Variants in PTPRM observed in about 807,000 individuals in gnomAD.
The protein encoded by PTPRM is protein tyrosine phosphatase receptor type M, also known as receptor-type tyrosine-protein phosphatase mu.
Under a neutral mutation model 186.7 loss-of-function variants are expected in PTPRM, and 47 were observed. The observed-to-expected ratio is 0.25, with a 90% CI of 0.20 to 0.32. The LOEUF (loss-of-function observed/expected upper bound fraction) is 0.32. PTPRM is among the 10% of genes least tolerant of loss of function. The pLI is 1.00. For missense variants in PTPRM, 1,494 were observed against 1,865.0 expected (o/e 0.80, Z 3.66); for synonymous variants, 668 against 674.9 (o/e 0.99, Z 0.16).
chr18:8,296,527 T>G, intron 20 of PTPRM, 72 bp downstream of exon 20: 1 of 1,136,062 alleles, frequency 8.8e-7, no homozygotes, highest in Non-Finnish European at 1.3e-6. Flanking sequence ...ACCACCAGGC[T>G]CATACAGAGG....
intron 19 of PTPRM, among the ~76,000 whole-genome samples, chr18:8,286,183 C>G (rs979862603): frequency 6.6e-6 from 1 of 152,164 alleles, no homozygotes; most frequent in African/African-American, 2.4e-5. Context: ...TTGTCACTTG[C>G]CTCTAGGGAT....
At chr18:8,092,613 C>G (rs998096466) in intron 11 of PTPRM, among the ~76,000 whole-genome samples, 1 of 152,036 alleles carries the variant, frequency 6.6e-6, no homozygotes, top group Non-Finnish European at 1.5e-5. Flanking sequence ...ACTGACATGA[C>G]CCTTCCTAAA....
At chr18:8,295,561 G>A (rs1887357137) in intron 19 of PTPRM, among the ~76,000 whole-genome samples, 2 of 152,164 alleles carry the variant, frequency 1.3e-5, no homozygotes, top group African/African-American at 4.8e-5. Flanking sequence ...CTTCCCAGTG[G>A]GTGCCAGGAA....
chr18:8,198,721 C>T (rs568080706), intron 14 of PTPRM, among the ~76,000 whole-genome samples: 2 of 152,214 alleles, frequency 1.3e-5, no homozygotes, highest in East Asian at 1.9e-4. Flanking sequence ...TTGGCTACAA[C>T]CAGTGGGATT....
chr18:7,616,039 C>T (rs1286812169), intron 1 of PTPRM, among the ~76,000 whole-genome samples: 18 of 152,166 alleles, frequency 1.2e-4, no homozygotes, highest in Admixed American at 1.2e-3. Flanking sequence ...TCGCGAGCCG[C>T]CACTCATTTC....
At chr18:7,666,389 C>T (rs1332939729) in intron 1 of PTPRM, among the ~76,000 whole-genome samples, 7 of 152,192 alleles carry the variant, frequency 4.6e-5, no homozygotes, top group Admixed American at 1.3e-4. Context: ...ATGTTACTCC[C>T]GCCTTTCACT....
At chr18:8,222,801 T>C (rs2094168754) in intron 14 of PTPRM, among the ~76,000 whole-genome samples, 1 of 152,218 alleles carries the variant, frequency 6.6e-6, no homozygotes, top group South Asian at 2.1e-4. Context: ...TTTCTAAGCA[T>C]TTTTTGAACT....
At chr18:8,198,530 C>T (rs544319893) in intron 14 of PTPRM, among the ~76,000 whole-genome samples, 2 of 152,260 alleles carry the variant, frequency 1.3e-5, no homozygotes, top group East Asian at 1.9e-4. Context: ...GCCATACCTC[C>T]GTATTTCTAA....
intron 23 of PTPRM, among the ~76,000 whole-genome samples, chr18:8,347,490 A>T (rs2095511541): frequency 6.6e-6 from 1 of 152,208 alleles, no homozygotes; most frequent in Non-Finnish European, 1.5e-5. Context: ...ACTAAAGCCC[A>T]CTGTGTCTGA....
At chr18:7,767,084 A>C (rs2042048778) in intron 1 of PTPRM, among the ~76,000 whole-genome samples, 1 of 152,218 alleles carries the variant, frequency 6.6e-6, no homozygotes, top group Admixed American at 6.5e-5. Flanking sequence ...GTAGCTGTTG[A>C]TACCAGAGAA....
chr18:8,286,949 C>T (rs1168053494), intron 19 of PTPRM, among the ~76,000 whole-genome samples: 1 of 151,214 alleles, frequency 6.6e-6, no homozygotes, highest in Non-Finnish European at 1.5e-5. Flanking sequence ...TATACTTATT[C>T]ATTTCCAAGC....
intron 23 of PTPRM, among the ~76,000 whole-genome samples, chr18:8,368,810 A>G (rs923034843): frequency 6.6e-6 from 1 of 152,234 alleles, no homozygotes; most frequent in Non-Finnish European, 1.5e-5. Context: ...TTATATGTAT[A>G]CATTGCATAT....
intron 22 of PTPRM, among the ~76,000 whole-genome samples, chr18:8,339,767 C>G (rs2095463231): frequency 6.6e-6 from 1 of 150,560 alleles, no homozygotes; most frequent in Admixed American, 6.6e-5. Flanking sequence ...CCACCAGGAG[C>G]TGCTGAATCC....
At chr18:8,280,206 A>G (rs187903601) in intron 19 of PTPRM, among the ~76,000 whole-genome samples, 26 of 152,216 alleles carry the variant, frequency 1.7e-4, no homozygotes, top group Admixed American at 6.5e-4. Flanking sequence ...GCAGGTGGTC[A>G]GTTCTGCACG....
intron 22 of PTPRM, among the ~76,000 whole-genome samples, chr18:8,321,333 C>A (rs572667519): frequency 6.6e-6 from 1 of 152,236 alleles, no homozygotes; most frequent in South Asian, 2.1e-4. Flanking sequence ...ATTAAGGTGA[C>A]TAAACGAACA....
intron 2 of PTPRM, among the ~76,000 whole-genome samples, chr18:7,858,879 T>C (rs775368332): frequency 1.3e-5 from 2 of 152,172 alleles, no homozygotes; most frequent in Non-Finnish European, 2.9e-5. Context: ...AGAGCTGATA[T>C]CCCAGTGGAC....
chr18:8,237,996 A>G (rs1188377482), intron 14 of PTPRM, among the ~76,000 whole-genome samples: 1 of 152,116 alleles, frequency 6.6e-6, no homozygotes, highest in East Asian at 1.9e-4. Context: ...TGCAATTTGA[A>G]TATGATATTA....
intron 24 of PTPRM, among the ~76,000 whole-genome samples, chr18:8,372,291 G>A (rs1345738890): frequency 7.0e-6 from 1 of 141,850 alleles, no homozygotes; most frequent in Non-Finnish European, 1.5e-5. Flanking sequence ...AGCCAGGATG[G>A]TCTCGATCTC....
At chr18:8,350,982 T>G (rs1451560236) in intron 23 of PTPRM, among the ~76,000 whole-genome samples, 1 of 152,200 alleles carries the variant, frequency 6.6e-6, no homozygotes, top group African/African-American at 2.4e-5. Context: ...TCAGTGTGGT[T>G]ATTGTGACTG....
Sources: gnomAD v4.1 joint callset for allele counts (sites outside exome capture counted in the v4.1 genomes callset) on GRCh38, gnomAD v4.1.1 for gene constraint, MANE v1.5 for transcripts, NCBI Gene and HGNC (gene_info 2026-07-23, HGNC 2026-07-21) for gene names.